CTNS: variants seen among roughly 807,000 people sequenced by gnomAD.
CTNS encodes cystinosin, lysosomal cystine transporter, also known as cystinosin.
CTNS carries 27 observed loss-of-function variants against 43.7 expected under a neutral mutation model. That is an observed-to-expected ratio of 0.62 (90% CI 0.46 to 0.85). CTNS has a LOEUF of 0.85. Ranked by LOEUF, CTNS falls within the 40% of genes least tolerant of loss-of-function variation. The pLI is 0.00. For synonymous variants in CTNS, 187 were observed against 190.6 expected (o/e 0.98, Z 0.16); for missense variants, 457 against 475.4 (o/e 0.96, Z 0.36).
At chr17:3,654,914 C>G (rs2076088773) in intron 5 of CTNS, 84 bp from the exon 6 acceptor site, 1 of 973,052 alleles carries the variant, frequency 1.0e-6, no homozygotes, top group African/African-American at 1.6e-5. Context: ...CCTCCGTTCC[C>G]TAGCGTGTTG....
intron 5 of CTNS, among the ~76,000 whole-genome samples, chr17:3,651,291 C>T (rs1169337331): frequency 1.3e-5 from 2 of 152,148 alleles, no homozygotes; most frequent in African/African-American, 2.4e-5. Context: ...GATGGGGTTT[C>T]ACCATGTTTG....
At chr17:3,652,574 A>G (rs534116339) in intron 5 of CTNS, among the ~76,000 whole-genome samples, 1 of 152,288 alleles carries the variant, frequency 6.6e-6, no homozygotes, top group East Asian at 1.9e-4. Context: ...CCTGGGTGAC[A>G]TGAGCAAAAC....
Position 3,661,465 on chromosome 17 carries a change from G to A in CTNS, c.*1096G>A, listed in dbSNP as rs2142986424. On this transcript the variant is annotated 3_prime_UTR_variant, in exon 12 of 12. Coordinates refer to ENST00000046640, the MANE Select transcript of CTNS (RefSeq NM_004937.3). ...CCTCATACATGACTTGAGCTTGTCA[G>A]TCCACTGAGTTTCCTTCTACGAGAT... 6.6e-6 allele frequency: 1 copy of A among 152,586 alleles called. No homozygotes were observed. Among genetic ancestry groups the A allele is most frequent in the East Asian group, 1.9e-4 (1 of 5,178 alleles). The allele number at this position is 152,586 out of a possible 1,614,324, so 9.5% of individuals were successfully genotyped here.
chr17:3,663,011 C>G lies in CTNS; in HGVS notation c.*2642C>G, dbSNP rs1395042665. The G allele has an allele frequency of 6.6e-6, 1 of 152,124 alleles. No homozygotes were observed. The highest frequency in any genetic ancestry group is 1.9e-4 in the East Asian group (1 of 5,200). The allele number at this position is 152,124 out of a possible 1,614,324, so 9.4% of individuals were successfully genotyped here. A position where few individuals can be genotyped will look rare whatever the true frequency, so the allele number is the denominator to read the frequency against. The stretch of plus-strand genomic sequence containing the variant: ...GCTTCCAGATGCGAATTAGTAAAAG[C>G]TAAATTCAAAAGTAGAATGGGCATC... On this transcript the variant is annotated 3_prime_UTR_variant, in exon 12 of 12. Coordinates refer to ENST00000046640, the MANE Select transcript of CTNS (RefSeq NM_004937.3).
intron 5 of CTNS, among the ~76,000 whole-genome samples, chr17:3,653,890 A>AC (rs11481517): frequency 8.7e-5 from 13 of 148,836 alleles, no homozygotes; most frequent in African/African-American, 3.2e-4. Flanking sequence ...GGAAAAATAA[A>AC]GTCTCAGCAG....
rs1468318361 is a variant in CTNS, at chr17:3,637,311, A to G, written c.-25A>G. The G allele has an allele frequency of 6.6e-6, 1 of 152,122 alleles. No homozygotes were observed. The highest frequency in any genetic ancestry group is 2.4e-5 in the African/African-American group (1 of 41,416). The allele number at this position is 152,122 out of a possible 1,614,324, so 9.4% of individuals were successfully genotyped here. The stretch of plus-strand genomic sequence containing the variant: ...GAGAGCTCGCTAGGCGCCCTAAGCA[A>G]CAGAGGTAACCACTTTATATCCTTG... On this transcript the variant is annotated 5_prime_UTR_variant, in exon 2 of 12. Transcript: ENST00000046640.
intron 7 of CTNS, chr17:3,655,599 G>T: frequency 1.1e-4 from 45 of 412,084 alleles, no homozygotes; most frequent in East Asian, 2.8e-4. Context: ...GGGCTCCTTA[G>T]TTTAGTGGAG....
chr17:3,650,406 C>T, intron 5 of CTNS: 1 of 1,508,670 alleles, frequency 6.6e-7, no homozygotes, highest in Non-Finnish European at 8.9e-7. Context: ...CACTTGAGCC[C>T]AGGAACTCAA....
intron 5 of CTNS, among the ~76,000 whole-genome samples, chr17:3,652,217 C>T (rs562424883): frequency 2.2e-3 from 334 of 152,278 alleles, no homozygotes; most frequent in African/African-American, 7.3e-3. Flanking sequence ...CAATATAGCA[C>T]CGTCTCCTTA....
At chr17:3,656,892 G>A (rs894209737) in intron 9 of CTNS, 97 bp downstream of exon 9, 5 of 1,576,356 alleles carry the variant, frequency 3.2e-6, no homozygotes, top group Non-Finnish European at 4.3e-6. Context: ...GGGAAAGGAA[G>A]GGTGTGTGTT....
In CTNS at chr17:3,660,603, CTCTTT is replaced by C. The variant is rs1238674302; in HGVS notation, c.*240_*244del. ...GGCACCGTCGCCTTGACACCGCCAT[CTCTTT>C]TCTTTAAGGCTTCAGGCAGCGCGCA... On this transcript the variant is annotated 3_prime_UTR_variant, in exon 12 of 12. Coordinates refer to ENST00000046640, the MANE Select transcript of CTNS (RefSeq NM_004937.3). 25 of 1,613,288 alleles carry C rather than the reference CTCTTT, an allele frequency of 1.5e-5. No homozygotes were observed. Among genetic ancestry groups the C allele is most frequent in the Non-Finnish European group, 1.8e-5 (21 of 1,180,044 alleles).
chr17:3,644,635 T>C (rs544183813), intron 3 of CTNS, among the ~76,000 whole-genome samples: 4 of 152,272 alleles, frequency 2.6e-5, no homozygotes, highest in South Asian at 4.1e-4. Context: ...CAGCTAATTT[T>C]TTGTATTTTT....
intron 5 of CTNS, among the ~76,000 whole-genome samples, chr17:3,653,456 G>C (rs1232982943): frequency 6.6e-6 from 1 of 152,194 alleles, no homozygotes; most frequent in Non-Finnish European, 1.5e-5. Flanking sequence ...TAATGAGCCA[G>C]ATCCTCACGG....
Position 3,658,030 on chromosome 17 carries a change from C to T in CTNS, c.707C>T (p.Pro236Leu). Residue 236 changes from proline (P) to leucine (L), a missense_variant, in exon 10 of 12, where the codon CCT (proline) becomes CTT (leucine). By Grantham distance (98) the Pro-to-Leu change is moderately conservative (BLOSUM62 -3). Coordinates refer to ENST00000046640, the MANE Select transcript of CTNS (RefSeq NM_004937.3). The part of the protein sequence containing the change: ...YERGGQRVSW[P>L]AIGFLVLAWL... ...CGCGGTGGCCAGCGCGTGTCCTGGC[C>T]TGCCATCGGCTTCCTGGTGCTCGCG... is the stretch of plus-strand genomic sequence containing the variant. The T allele has an allele frequency of 6.2e-7, 1 of 1,611,244 alleles. No individual in the cohort carries two copies. Among genetic ancestry groups the T allele is most frequent in the Non-Finnish European group, 8.5e-7 (1 of 1,179,968 alleles).
chr17:3,651,256 G>A (rs1255280563), intron 5 of CTNS, among the ~76,000 whole-genome samples: 1 of 148,052 alleles, frequency 6.8e-6, no homozygotes, highest in African/African-American at 2.5e-5. Context: ...CACCACACCC[G>A]GCTAATTTTT....
intron 3 of CTNS, among the ~76,000 whole-genome samples, chr17:3,645,859 CAAAA>C (rs35273890): frequency 6.5e-4 from 48 of 74,264 alleles, no homozygotes; most frequent in Non-Finnish European, 3.6e-4. Context: ...GACTCTGTCT[CAAAA>C]AAAAAAAAAA....
chr17:3,641,384 A>ATATATATATATATATTTTTTTTT (rs1555558526), intron 3 of CTNS, among the ~76,000 whole-genome samples: 1 of 31,202 alleles, frequency 3.2e-5, no homozygotes, highest in African/African-American at 2.3e-4. Context: ...ATATATATAT[A>ATATATATATATATATTTTTTTTT]TTTTTTTTTT....
chr17:3,655,598 A>G, intron 7 of CTNS: 1 of 403,184 alleles, frequency 2.5e-6, no homozygotes, highest in Non-Finnish European at 4.7e-6. Flanking sequence ...GGGGCTCCTT[A>G]GTTTAGTGGA....
intron 2 of CTNS, among the ~76,000 whole-genome samples, chr17:3,638,856 G>A (rs1045648427): frequency 6.6e-6 from 1 of 152,192 alleles, no homozygotes; most frequent in African/African-American, 2.4e-5. Flanking sequence ...TCAGGGGACA[G>A]AGCACAGGGA....
Sources: gnomAD v4.1 joint callset for allele counts (sites outside exome capture counted in the v4.1 genomes callset) on GRCh38, gnomAD v4.1.1 for gene constraint, MANE v1.5 for transcripts, NCBI Gene and HGNC (gene_info 2026-07-23, HGNC 2026-07-21) for gene names.